PPM1L: variants seen among roughly 807,000 people sequenced by gnomAD.
PPM1L encodes protein phosphatase, Mg2+/Mn2+ dependent 1L, also known as protein phosphatase 1L.
PPM1L carries 13 observed loss-of-function variants against 31.4 expected under a neutral mutation model. The observed-to-expected ratio is 0.41, with a 90% confidence interval of 0.27 to 0.66. The LOEUF (loss-of-function observed/expected upper bound fraction) is 0.66. PPM1L is among the 30% of genes least tolerant of loss of function. PPM1L has a pLI of 0.29. For missense variants in PPM1L, 326 were observed against 453.7 expected (o/e 0.72, Z 2.56); for synonymous variants, 184 against 175.4 (o/e 1.05, Z -0.39).
At chr3:160,790,392 G>T (rs548342465) in intron 1 of PPM1L, among the ~76,000 whole-genome samples, 23 of 152,052 alleles carry the variant, frequency 1.5e-4, no homozygotes, top group South Asian at 8.3e-4. Flanking sequence ...TTTTATCAGG[G>T]TATAAATGCA....
chr3:160,870,652 G>A (rs1401421720), intron 1 of PPM1L: 3 of 152,144 alleles, frequency 2.0e-5, no homozygotes, highest in African/African-American at 7.2e-5. Context: ...GGCAGGTACT[G>A]GTGGCTTTAA....
chr3:160,845,294 A>G (rs1056735447), intron 1 of PPM1L, among the ~76,000 whole-genome samples: 7 of 152,064 alleles, frequency 4.6e-5, no homozygotes, highest in African/African-American at 1.7e-4. Flanking sequence ...ATATTGGTGT[A>G]TGGTTGGTAG....
intron 1 of PPM1L, among the ~76,000 whole-genome samples, chr3:160,792,680 T>C (rs1284767536): frequency 6.6e-6 from 1 of 152,204 alleles, no homozygotes; most frequent in Non-Finnish European, 1.5e-5. Context: ...CTGCAAACTC[T>C]GGGGTTCCCA....
intron 2 of PPM1L, among the ~76,000 whole-genome samples, chr3:160,995,623 G>C (rs1487918937): frequency 3.9e-5 from 6 of 152,094 alleles, no homozygotes; most frequent in African/African-American, 2.4e-5. Flanking sequence ...GCCTGGTCCA[G>C]GTAGAGACTT....
chr3:160,874,371 G>A (rs1315473710), intron 1 of PPM1L, among the ~76,000 whole-genome samples: 1 of 152,138 alleles, frequency 6.6e-6, no homozygotes, highest in African/African-American at 2.4e-5. Flanking sequence ...CCTCCCTTCA[G>A]CCTCCCTTGA....
intron 1 of PPM1L, among the ~76,000 whole-genome samples, chr3:160,953,915 T>C (rs1715651382): frequency 6.6e-6 from 1 of 152,262 alleles, no homozygotes; most frequent in Non-Finnish European, 1.5e-5. Context: ...CTTTCCCATC[T>C]GTTGGGAAGC....
At chr3:160,925,459 C>T (rs543469989) in intron 1 of PPM1L, among the ~76,000 whole-genome samples, 137 of 152,184 alleles carry the variant, frequency 9.0e-4, no homozygotes, top group Admixed American at 1.8e-3. Flanking sequence ...GCATATTGTT[C>T]TAATGTGATT....
At chr3:161,036,638 C>G (rs1007645333) in intron 2 of PPM1L, among the ~76,000 whole-genome samples, 1 of 152,188 alleles carries the variant, frequency 6.6e-6, no homozygotes, top group African/African-American at 2.4e-5. Context: ...CCATTCAAGA[C>G]ACTGCAGAAC....
In PPM1L at chr3:161,075,089, C is replaced by T. The variant is rs965303217; in HGVS notation, c.*5932C>T. The T allele has an allele frequency of 6.6e-6, 1 of 152,060 alleles. No homozygotes were observed. The highest frequency in any genetic ancestry group is 1.5e-5 in the Non-Finnish European group (1 of 68,020). The allele number at this position is 152,060 out of a possible 1,614,324, so 9.4% of individuals were successfully genotyped here. On this transcript the variant is annotated 3_prime_UTR_variant, in exon 4 of 4. Transcript: ENST00000498165. ...TGAGTGACCCAGAGCAAAGCCTGCC[C>T]GGGTTACTCGCTGCCACTTCAGGAG...
chr3:160,970,693 A>G (rs1008348364), intron 2 of PPM1L, among the ~76,000 whole-genome samples: 10 of 151,598 alleles, frequency 6.6e-5, no homozygotes, highest in African/African-American at 2.4e-4. Flanking sequence ...CCTGACCTCA[A>G]GTGATTCACC....
chr3:160,929,552 TCA>T (rs1714714321), intron 1 of PPM1L, among the ~76,000 whole-genome samples: 1 of 152,214 alleles, frequency 6.6e-6, no homozygotes, highest in East Asian at 1.9e-4. Flanking sequence ...GCTTCATGCT[TCA>T]GTGTCTAGTT....
At chr3:161,059,995 A>G (rs1214273036) in intron 2 of PPM1L, among the ~76,000 whole-genome samples, 1 of 152,174 alleles carries the variant, frequency 6.6e-6, no homozygotes, top group Non-Finnish European at 1.5e-5. Context: ...TCTTTTCTGT[A>G]TAAATTACCC....
chr3:160,770,361 G>A lies in PPM1L; in HGVS notation c.399+13654G>A, dbSNP rs147979891. Among the ~76,000 whole-genome samples, 165 of 152,226 alleles carry A rather than the reference G, an allele frequency of 1.1e-3. 2 individuals carry two copies. The East Asian group carries it at 0.029, about 27-fold the overall frequency. On this transcript the variant is annotated intron_variant, in intron 1 of 3. Transcript: ENST00000498165. ...GATTATTTAAAAAGTTTGAGATAAAGGGAATGTAAAAATGCCTTCAGTTTA... is the reference window on the plus strand; with the variant it reads ...GATTATTTAAAAAGTTTGAGATAAAAGGAATGTAAAAATGCCTTCAGTTTA...
chr3:160,792,178 C>T (rs751616212), intron 1 of PPM1L, among the ~76,000 whole-genome samples: 4 of 152,096 alleles, frequency 2.6e-5, no homozygotes, highest in Admixed American at 1.3e-4. Context: ...GAGGCTAAGA[C>T]ACGTAACTAA....
chr3:160,815,883 A>C (rs1298180122), intron 1 of PPM1L, among the ~76,000 whole-genome samples: 1 of 152,178 alleles, frequency 6.6e-6, no homozygotes, highest in African/African-American at 2.4e-5. Flanking sequence ...TGAACAGTGA[A>C]AGGTTATAAA....
chr3:160,795,393 A>G (rs188952420), intron 1 of PPM1L, among the ~76,000 whole-genome samples: 1 of 152,236 alleles, frequency 6.6e-6, no homozygotes, highest in Non-Finnish European at 1.5e-5. Context: ...TTTAGATGAT[A>G]GTGGCAACCA....
At chr3:161,051,202 T>C (rs1261494277) in intron 2 of PPM1L, among the ~76,000 whole-genome samples, 3 of 152,220 alleles carry the variant, frequency 2.0e-5, no homozygotes, top group Non-Finnish European at 2.9e-5. Flanking sequence ...TCATAGCATT[T>C]ATCATGCTGA....
intron 2 of PPM1L, among the ~76,000 whole-genome samples, chr3:161,034,916 G>C (rs1280591095): frequency 1.3e-5 from 2 of 151,744 alleles, no homozygotes; most frequent in Non-Finnish European, 2.9e-5. Context: ...AAAAAAGAAT[G>C]AGTTCATGTC....
rs76610187 is a variant in PPM1L at position 161,061,575 on chromosome 3, A to G, written c.575-3828A>G. On this transcript the variant is annotated intron_variant, in intron 2 of 3. Coordinates refer to ENST00000498165, the MANE Select transcript of PPM1L (RefSeq NM_139245.4). ...AAAAATATTTTTAAAGCAATAAAAAACAATATAACATCATACAAATTAAAA... is the reference window on the plus strand; with the variant it reads ...AAAAATATTTTTAAAGCAATAAAAAGCAATATAACATCATACAAATTAAAA... Among the ~76,000 whole-genome samples, 7 of 152,344 alleles carry G rather than the reference A, an allele frequency of 4.6e-5. No individual in the cohort carries two copies. The East Asian group carries it at 1.3e-3, about 29-fold the overall frequency.
Sources: gnomAD v4.1 joint callset for allele counts (sites outside exome capture counted in the v4.1 genomes callset) on GRCh38, gnomAD v4.1.1 for gene constraint, MANE v1.5 for transcripts, NCBI Gene and HGNC (gene_info 2026-07-23, HGNC 2026-07-21) for gene names.